CHRM3: variants seen among roughly 807,000 people sequenced by gnomAD.
CHRM3 encodes muscarinic acetylcholine receptor M3.
A neutral mutation model predicts 41.8 loss-of-function variants in CHRM3; 11 were observed. The observed-to-expected ratio is 0.26, with a 90% CI of 0.17 to 0.44. The LOEUF (loss-of-function observed/expected upper bound fraction) is 0.44, where lower values mean the gene tolerates loss of function less well. Ranked by LOEUF, CHRM3 falls within the 20% of genes least tolerant of loss-of-function variation. The pLI is 1.00. For synonymous variants in CHRM3, 297 were observed against 301.4 expected, an observed-to-expected ratio of 0.99 and a Z score of 0.15; for missense variants, 571 against 745.4, an observed-to-expected ratio of 0.77 and a Z score of 2.72.
intron 5 of CHRM3, among the ~76,000 whole-genome samples, chr1:239,785,990 G>A (rs1203570178): frequency 6.6e-6 from 1 of 152,100 alleles, no homozygotes; most frequent in Non-Finnish European, 1.5e-5. Context: ...TAGGAAATAG[G>A]TTCAAGTGCT....
chr1:239,734,020 TGGAG>T (rs931099868), intron 5 of CHRM3, among the ~76,000 whole-genome samples: 33 of 152,256 alleles, frequency 2.2e-4, no homozygotes, highest in Admixed American at 1.2e-3. Context: ...TTACGCAATG[TGGAG>T]GGTGCTAGTC....
chr1:239,412,074 A>T (rs1467045587), intron 1 of CHRM3, among the ~76,000 whole-genome samples: 3 of 151,602 alleles, frequency 2.0e-5, no homozygotes, highest in Admixed American at 6.6e-5. Flanking sequence ...AATTTTGGTT[A>T]TATTAATATT....
intron 2 of CHRM3, among the ~76,000 whole-genome samples, chr1:239,500,121 T>C (rs902138319): frequency 6.6e-6 from 1 of 152,136 alleles, no homozygotes; most frequent in Non-Finnish European, 1.5e-5. Flanking sequence ...TGAGAGTTTT[T>C]AGCATGAAGG....
At chr1:239,806,740 G>C (rs1041547382) in intron 5 of CHRM3, among the ~76,000 whole-genome samples, 2 of 152,178 alleles carry the variant, frequency 1.3e-5, no homozygotes, top group Non-Finnish European at 2.9e-5. Context: ...TTCTAAAAAA[G>C]AGGTACATTT....
chr1:239,768,495 A>ACC (rs1667397881), intron 5 of CHRM3, among the ~76,000 whole-genome samples: 1 of 20,760 alleles, frequency 4.8e-5, no homozygotes, highest in South Asian at 1.1e-3. Flanking sequence ...GGTGAAAATA[A>ACC]ACATGGTGAA....
At chr1:239,811,534 A>G (rs2148984220) in intron 5 of CHRM3, among the ~76,000 whole-genome samples, 1 of 152,046 alleles carries the variant, frequency 6.6e-6, no homozygotes, top group East Asian at 1.9e-4. Context: ...CTATTCACAG[A>G]CTCCTTTGAC....
At chr1:239,612,722 C>T (rs550357138) in intron 3 of CHRM3, among the ~76,000 whole-genome samples, 1 of 152,298 alleles carries the variant, frequency 6.6e-6, no homozygotes, top group East Asian at 1.9e-4. Flanking sequence ...ACAGTTCTTA[C>T]AGGAGCTTCC....
intron 2 of CHRM3, among the ~76,000 whole-genome samples, chr1:239,541,795 G>A (rs1165160496): frequency 4.6e-5 from 7 of 152,170 alleles, no homozygotes; most frequent in Admixed American, 3.9e-4. Context: ...TTACAGGCAT[G>A]AGCCACCATG....
intron 1 of CHRM3, among the ~76,000 whole-genome samples, chr1:239,481,382 C>T (rs1356126320): frequency 4.6e-5 from 7 of 151,946 alleles, no homozygotes; most frequent in African/African-American, 1.7e-4. Context: ...CTTCACTTTC[C>T]GTTAGCACTG....
intron 5 of CHRM3, among the ~76,000 whole-genome samples, chr1:239,811,348 G>T (rs1020107468): frequency 6.6e-6 from 1 of 152,170 alleles, no homozygotes; most frequent in Non-Finnish European, 1.5e-5. Flanking sequence ...ATCCAAGACC[G>T]CTGTGAAAAT....
At chr1:239,505,772 G>A (rs757360467) in intron 2 of CHRM3, among the ~76,000 whole-genome samples, 3 of 152,294 alleles carry the variant, frequency 2.0e-5, no homozygotes, top group Admixed American at 6.5e-5. Context: ...AAGAAGACAG[G>A]AAATTGTGGG....
Position 239,471,197 on chromosome 1 carries a change from T to G in CHRM3, c.-520-21512T>G, listed in dbSNP as rs149770951. 6.4e-3 allele frequency among the ~76,000 whole-genome samples: 979 copies of G among 152,342 alleles called. 6 individuals carry two copies. The highest frequency in any genetic ancestry group is 0.01 in the South Asian group (49 of 4,834). ...TTTGAAGAATTTCAAAATAAGTGTT[T>G]ATGATAGTAAATTTTAGTTAAACAT... On this transcript the variant is annotated intron_variant, in intron 1 of 6. Coordinates refer to ENST00000676153, the MANE Select transcript of CHRM3 (RefSeq NM_001375978.1).
At chr1:239,864,514 G>A (rs1466520485) in intron 6 of CHRM3, among the ~76,000 whole-genome samples, 10 of 126,560 alleles carry the variant, frequency 7.9e-5, no homozygotes, top group African/African-American at 2.6e-4. Flanking sequence ...TCTCAAAACA[G>A]AAAATACACA....
At chr1:239,489,081 A>G (rs1667384574) in intron 1 of CHRM3, among the ~76,000 whole-genome samples, 1 of 152,204 alleles carries the variant, frequency 6.6e-6, no homozygotes, top group African/African-American at 2.4e-5. Flanking sequence ...AGCTAGAGAA[A>G]GGCAGGATAA....
Position 239,871,011 on chromosome 1 carries a change from A to G in CHRM3, c.-19-36422A>G, listed in dbSNP as rs1017347607. Among the ~76,000 whole-genome samples the G allele has an allele frequency of 3.0e-4, 45 of 151,824 alleles. 1 individual carries two copies. Among genetic ancestry groups the G allele is most frequent in the African/African-American group, 1.1e-3 (44 of 41,398 alleles). ...GGGGACGTGCTGCTCTTCCTGACCCATCCCAACAGTGTCCTCGCTTTGAGA... is the reference window on the plus strand; with the variant it reads ...GGGGACGTGCTGCTCTTCCTGACCCGTCCCAACAGTGTCCTCGCTTTGAGA... On this transcript the variant is annotated intron_variant, in intron 6 of 6. Coordinates refer to ENST00000676153, the MANE Select transcript of CHRM3 (RefSeq NM_001375978.1).
intron 5 of CHRM3, among the ~76,000 whole-genome samples, chr1:239,820,840 A>G (rs1671982890): frequency 6.6e-6 from 1 of 152,212 alleles, no homozygotes; most frequent in South Asian, 2.1e-4. Context: ...AGATTACCAC[A>G]TATACCCCCC....
chr1:239,660,577 G>A (rs563148920), intron 4 of CHRM3, among the ~76,000 whole-genome samples: 2 of 152,098 alleles, frequency 1.3e-5, no homozygotes, highest in Non-Finnish European at 2.9e-5. Context: ...GTGGTTAATA[G>A]TAATGATAAT....
chr1:239,571,087 A>G (rs2148535257), intron 3 of CHRM3, among the ~76,000 whole-genome samples: 1 of 152,230 alleles, frequency 6.6e-6, no homozygotes, highest in East Asian at 1.9e-4. Context: ...GGCAATAGTG[A>G]GGCTGGGGGA....
chr1:239,415,691 A>C (rs192499173), intron 1 of CHRM3, among the ~76,000 whole-genome samples: 1 of 152,212 alleles, frequency 6.6e-6, no homozygotes, highest in Non-Finnish European at 1.5e-5. Flanking sequence ...AAATGAAGCT[A>C]GAGCAAGAAG....
Sources: allele counts gnomAD v4.1 joint callset (sites outside exome capture counted in the v4.1 genomes callset), GRCh38; gene constraint gnomAD v4.1.1; transcripts MANE v1.5; gene names NCBI Gene and HGNC (gene_info 2026-07-23, HGNC 2026-07-21).